Variants in ZMAT4 observed in about 807,000 individuals in gnomAD.
ZMAT4 encodes zinc finger matrin-type protein 4.
Under a neutral mutation model 28.7 loss-of-function variants are expected in ZMAT4, and 17 were observed. The ratio of observed to expected loss-of-function variants is 0.59; its 90% CI spans 0.41 to 0.89. The LOEUF is 0.89. Among genes scored for constraint, ZMAT4 ranks in the 40% least tolerant of loss-of-function variants. The pLI is 0.00. For synonymous variants in ZMAT4, 117 were observed against 109.2 expected (o/e 1.07, Z -0.44); for missense variants, 240 against 283.8 (o/e 0.85, Z 1.11).
At position 40,695,478 on chromosome 8, in the gene ZMAT4, A is replaced by T. The variant is rs192126488; in HGVS notation, c.349+1767T>A. 5.6e-3 allele frequency among the ~76,000 whole-genome samples: 853 copies of T among 152,354 alleles called. 12 individuals carry two copies. Among genetic ancestry groups the T allele is most frequent in the African/African-American group, 0.018 (753 of 41,592 alleles). On this transcript the variant is annotated intron_variant, in intron 4 of 6. Coordinates refer to ENST00000297737, the MANE Select transcript of ZMAT4 (RefSeq NM_024645.3). ...GCAAGGCAGGCCCAACCTGAGCCAT[A>T]GCTTTCGGTGCACCACACCCTATTC...
At chr8:40,750,617 T>C (rs939827328) in intron 3 of ZMAT4, among the ~76,000 whole-genome samples, 1 of 152,202 alleles carries the variant, frequency 6.6e-6, no homozygotes, top group Non-Finnish European at 1.5e-5. Flanking sequence ...TGTGGGACTC[T>C]AGCATGTTAA....
chr8:40,616,492 C>T (rs531961491), intron 5 of ZMAT4, among the ~76,000 whole-genome samples: 3 of 152,124 alleles, frequency 2.0e-5, no homozygotes, highest in East Asian at 1.9e-4. Context: ...AACCCAAATG[C>T]CCATCAATGA....
At chr8:40,607,109 T>A (rs1415791911) in intron 5 of ZMAT4, among the ~76,000 whole-genome samples, 1 of 144,372 alleles carries the variant, frequency 6.9e-6, no homozygotes, top group Non-Finnish European at 1.5e-5. Flanking sequence ...TTCTTTCATA[T>A]CTTGTATCTT....
At position 40,881,771 on chromosome 8, in the gene ZMAT4, C is replaced by T. The variant is rs564010159; in HGVS notation, c.-5+15912G>A. Among the ~76,000 whole-genome samples, 102 of 152,138 alleles carry T rather than the reference C, an allele frequency of 6.7e-4. 1 individual carries two copies. The highest frequency in any genetic ancestry group is 2.1e-3 in the African/African-American group (88 of 41,522). On this transcript the variant is annotated intron_variant, in intron 1 of 6. Transcript: ENST00000297737. ...ATTCTTTTCCTTGTAGGAGGTGCAG[C>T]GCGAAGTTGATTGTATTTTTTCCAT...
intron 2 of ZMAT4, among the ~76,000 whole-genome samples, chr8:40,796,901 C>T (rs543516563): frequency 6.6e-6 from 1 of 152,306 alleles, no homozygotes; most frequent in South Asian, 2.1e-4. Context: ...AGGGCAGGAT[C>T]CATGCAGCAC....
At chr8:40,804,340 G>A (rs1814985088) in intron 2 of ZMAT4, among the ~76,000 whole-genome samples, 1 of 152,084 alleles carries the variant, frequency 6.6e-6, no homozygotes, top group Non-Finnish European at 1.5e-5. Flanking sequence ...TGGGGCAGGG[G>A]ATACATGAGA....
intron 5 of ZMAT4, among the ~76,000 whole-genome samples, chr8:40,603,152 T>C (rs1805456352): frequency 6.6e-6 from 1 of 152,230 alleles, no homozygotes; most frequent in South Asian, 2.1e-4. Flanking sequence ...GTCTTGCCAA[T>C]TATCCCAGCA....
intron 1 of ZMAT4, among the ~76,000 whole-genome samples, chr8:40,891,058 A>C (rs1235658549): frequency 6.6e-6 from 1 of 150,744 alleles, no homozygotes; most frequent in African/African-American, 2.4e-5. Flanking sequence ...CGGGGGCTGG[A>C]TGCGGCAGTG....
At chr8:40,887,218 C>T (rs1036196536) in intron 1 of ZMAT4, among the ~76,000 whole-genome samples, 3 of 147,884 alleles carry the variant, frequency 2.0e-5, no homozygotes, top group East Asian at 2.0e-4. Flanking sequence ...CGGTGGCTCA[C>T]GCCTGTAATC....
At chr8:40,637,720 G>GT (rs1256701274) in intron 5 of ZMAT4, among the ~76,000 whole-genome samples, 1 of 152,196 alleles carries the variant, frequency 6.6e-6, no homozygotes, top group Non-Finnish European at 1.5e-5. Flanking sequence ...AACCACACAC[G>GT]TGACTCAGGT....
intron 5 of ZMAT4, among the ~76,000 whole-genome samples, chr8:40,646,875 T>C (rs1191381051): frequency 6.6e-6 from 1 of 152,200 alleles, no homozygotes; most frequent in African/African-American, 2.4e-5. Context: ...TGTAGAACAC[T>C]TCACTCGTAA....
chr8:40,891,347 T>C (rs1586234538), intron 1 of ZMAT4, among the ~76,000 whole-genome samples: 1 of 146,836 alleles, frequency 6.8e-6, no homozygotes, highest in Middle Eastern at 3.6e-3. Flanking sequence ...GGTCACCACG[T>C]TGGCCACCCT....
At chr8:40,565,061 A>C (rs1262104626) in intron 6 of ZMAT4, among the ~76,000 whole-genome samples, 1 of 152,220 alleles carries the variant, frequency 6.6e-6, no homozygotes, top group African/African-American at 2.4e-5. Context: ...AGGGAGAAAG[A>C]ATAATCAAAG....
chr8:40,569,946 A>G (rs1044664015), intron 6 of ZMAT4, among the ~76,000 whole-genome samples: 6 of 152,178 alleles, frequency 3.9e-5, no homozygotes, highest in African/African-American at 1.4e-4. Flanking sequence ...AATATTAGAG[A>G]TTGTTGGAAT....
intron 3 of ZMAT4, among the ~76,000 whole-genome samples, chr8:40,765,778 TTTG>T (rs1435174783): frequency 6.6e-6 from 1 of 152,198 alleles, no homozygotes; most frequent in African/African-American, 2.4e-5. Flanking sequence ...TCTCTGTTTT[TTTG>T]CCACTTTAAG....
intron 3 of ZMAT4, among the ~76,000 whole-genome samples, chr8:40,756,253 T>C (rs1039105903): frequency 3.0e-4 from 45 of 151,882 alleles, no homozygotes; most frequent in African/African-American, 1.0e-3. Context: ...AAAGTCTGTG[T>C]TCCATTCTGC....
chr8:40,590,559 A>G (rs72636936), intron 5 of ZMAT4, among the ~76,000 whole-genome samples: 34,143 of 151,940 alleles, frequency 0.22, 4,441 homozygotes, highest in Non-Finnish European at 0.3. Context: ...CATTTTAGAC[A>G]GCACGTCCTC....
intron 3 of ZMAT4, among the ~76,000 whole-genome samples, chr8:40,710,517 G>C (rs4380925): frequency 0.45 from 67,699 of 151,678 alleles, 15,475 homozygotes; most frequent in East Asian, 0.61. Context: ...AGTGAAGAGG[G>C]CTTAAAAACA....
intron 3 of ZMAT4, among the ~76,000 whole-genome samples, chr8:40,699,596 G>GCACACGCACACACACACA (rs1810042079): frequency 6.7e-6 from 1 of 149,640 alleles, no homozygotes; most frequent in South Asian, 2.1e-4. Flanking sequence ...AAATGTAAAT[G>GCACACGCACACACACACA]CACACACACA....
Sources: gnomAD v4.1 joint callset for allele counts (sites outside exome capture counted in the v4.1 genomes callset) on GRCh38, gnomAD v4.1.1 for gene constraint, MANE v1.5 for transcripts, NCBI Gene and HGNC (gene_info 2026-07-23, HGNC 2026-07-21) for gene names.